The following ECT2L variants were observed in gnomAD, a reference collection of about 807,000 sequenced individuals.
ECT2L encodes epithelial cell-transforming sequence 2 oncogene-like.
A neutral mutation model predicts 122.8 loss-of-function variants in ECT2L; 126 were observed. That is an observed-to-expected ratio of 1.03 (90% CI 0.89 to 1.19). The LOEUF is 1.19. Among genes scored for constraint, ECT2L ranks in the 50% most tolerant of loss-of-function variants. The probability of loss-of-function intolerance (pLI) is 0.00; values close to 1 mark genes in which losing one functional copy is unlikely to be tolerated. For missense variants in ECT2L, 1,012 were observed against 1,064.1 expected (o/e 0.95, Z 0.68); for synonymous variants, 385 against 381.8 (o/e 1.01, Z -0.10).
rs757819997 is a variant in ECT2L at position 138,862,733 on chromosome 6, G to T, written c.1291+14G>T. 39 of 1,610,654 alleles carry T rather than the reference G, an allele frequency of 2.4e-5. No individual in the cohort carries two copies. Among genetic ancestry groups the T allele is most frequent in the Non-Finnish European group, 3.2e-5 (38 of 1,177,160 alleles). On this transcript the variant is annotated intron_variant, in intron 11 of 21. Coordinates refer to ENST00000541398, the MANE Select transcript of ECT2L (RefSeq NM_001077706.3). The stretch of plus-strand genomic sequence containing the variant: ...CTTACCAGCACAGTAAGTGTTATGG[G>T]AGCTGAGCGCCACGTCCAATAACAC...
Position 138,844,563 on chromosome 6 carries a change from A to AG in ECT2L, c.748dup (p.Glu250GlyfsTer28). ...AGAAACAGCTTGTTTTGACATCGTT[A>AG]GAAACCTTGCCCAAGCGGTAAGCAA... is the stretch of plus-strand genomic sequence containing the variant. On this transcript the variant is annotated frameshift_variant, in exon 7 of 22. Coordinates refer to ENST00000541398, the MANE Select transcript of ECT2L (RefSeq NM_001077706.3). LOFTEE classifies it high-confidence loss of function. The AG allele has an allele frequency of 6.2e-7, 1 of 1,614,150 alleles. No homozygotes were observed. Among genetic ancestry groups the AG allele is most frequent in the Non-Finnish European group, 8.5e-7 (1 of 1,180,000 alleles).
In ECT2L at chr6:138,865,158, G is replaced by C. The variant is rs900822764; in HGVS notation, c.1454G>C (p.Ser485Thr). The part of the protein sequence containing the change: ...LYPFFKELQK[S>T]ISGRMIGQFM... The stretch of plus-strand genomic sequence containing the variant: ...CCTTTCTTCAAGGAACTGCAGAAGA[G>C]CATCAGTGGCAGGATGATAGGTAAG... The change falls in exon 12 of 22, where the codon AGC (serine) becomes ACC (threonine). Residue 485 changes from serine to threonine, a missense_variant. Transcript: ENST00000541398. The C allele has an allele frequency of 6.2e-7, 1 of 1,611,326 alleles. No homozygotes were observed. Among genetic ancestry groups the C allele is most frequent in the Non-Finnish European group, 8.5e-7 (1 of 1,178,100 alleles).
intron 13 of ECT2L, among the ~76,000 whole-genome samples, chr6:138,870,693 C>T (rs1437647823): frequency 1.3e-5 from 2 of 151,712 alleles, no homozygotes; most frequent in Non-Finnish European, 2.9e-5. Flanking sequence ...GATTCAAATT[C>T]ATTAAAGAAA....
chr6:138,803,519 A>G (rs1383237568), intron 1 of ECT2L, among the ~76,000 whole-genome samples: 1 of 152,196 alleles, frequency 6.6e-6, no homozygotes. Flanking sequence ...TCACATAACA[A>G]CAGCTGGGCA....
At position 138,885,734 on chromosome 6, in the gene ECT2L, C is replaced by G; in HGVS notation, c.2163C>G (p.Tyr721Ter). The G allele has an allele frequency of 6.2e-7, 1 of 1,614,164 alleles. No individual in the cohort carries two copies. Among genetic ancestry groups the G allele is most frequent in the South Asian group, 1.1e-5 (1 of 91,082 alleles). Residue 721 changes from tyrosine (Y) to a stop codon, truncating the protein, a stop_gained, in exon 18 of 22, where the codon TAC becomes TAG. Coordinates refer to ENST00000541398, the MANE Select transcript of ECT2L (RefSeq NM_001077706.3). LOFTEE classifies it high-confidence loss of function. ...RRFEEYLNLL[Y>*]AVRLHTPAEH... ...TTGAAGAATACCTTAATCTTCTCTACGCTGTCAGGCTTCATACCCCTGCAG... is the reference window on the plus strand; with the variant it reads ...TTGAAGAATACCTTAATCTTCTCTAGGCTGTCAGGCTTCATACCCCTGCAG...
chr6:138,848,613 T>A (rs2128392675), intron 8 of ECT2L, among the ~76,000 whole-genome samples: 1 of 152,320 alleles, frequency 6.6e-6, no homozygotes, highest in South Asian at 2.1e-4. Flanking sequence ...AAGAGTCAGC[T>A]CTAATCACTG....
At chr6:138,829,213 G>A (rs1289339587) in intron 4 of ECT2L, among the ~76,000 whole-genome samples, 1 of 151,952 alleles carries the variant, frequency 6.6e-6, no homozygotes, top group Non-Finnish European at 1.5e-5. Context: ...CGCTCGTCTT[G>A]TCCTTTTCCT....
chr6:138,855,324 A>T (rs1777577008), intron 10 of ECT2L, among the ~76,000 whole-genome samples: 1 of 152,116 alleles, frequency 6.6e-6, no homozygotes, highest in African/African-American at 2.4e-5. Flanking sequence ...CCTGGCCAAC[A>T]TGGCAAAACC....
intron 14 of ECT2L, among the ~76,000 whole-genome samples, chr6:138,877,781 C>A (rs934602646): frequency 6.6e-6 from 1 of 152,000 alleles, no homozygotes; most frequent in East Asian, 1.9e-4. Flanking sequence ...AAAAAAATTA[C>A]AAAAATTAGC....
At chr6:138,810,131 GA>G (rs759211813) in intron 1 of ECT2L, among the ~76,000 whole-genome samples, 1 of 152,204 alleles carries the variant, frequency 6.6e-6, no homozygotes, top group Non-Finnish European at 1.5e-5. Context: ...AGAAGAAATA[GA>G]GGAGCTCAGA....
intron 4 of ECT2L, chr6:138,822,897 G>C (rs1776315148): frequency 3.1e-6 from 5 of 1,613,784 alleles, no homozygotes; most frequent in African/African-American, 1.3e-5. Flanking sequence ...CCTCACAATA[G>C]CTTTCGTCAT....
chr6:138,832,212 A>T (rs1776672097), intron 4 of ECT2L, among the ~76,000 whole-genome samples: 1 of 150,606 alleles, frequency 6.6e-6, no homozygotes, highest in South Asian at 2.1e-4. Context: ...TGAACATTTC[A>T]AACATTCACT....
chr6:138,830,322 G>A (rs1231770913), intron 4 of ECT2L, among the ~76,000 whole-genome samples: 2 of 152,126 alleles, frequency 1.3e-5, no homozygotes, highest in African/African-American at 2.4e-5. Flanking sequence ...AACAATCTTA[G>A]GCCTTGTGGG....
At chr6:138,805,678 G>A (rs1011763908) in intron 1 of ECT2L, among the ~76,000 whole-genome samples, 3 of 152,228 alleles carry the variant, frequency 2.0e-5, no homozygotes, top group African/African-American at 7.2e-5. Context: ...ACAGCTGGGG[G>A]CTGGCTCAAA....
At chr6:138,838,273 T>C (rs1319044548) in intron 4 of ECT2L, 79 bp from the exon 5 acceptor site, 1 of 1,242,740 alleles carries the variant, frequency 8.0e-7, no homozygotes. Flanking sequence ...TGGAGGAAGA[T>C]CAATGACCAA....
intron 4 of ECT2L, among the ~76,000 whole-genome samples, chr6:138,828,987 CT>C (rs1189242289): frequency 6.6e-6 from 1 of 151,788 alleles, no homozygotes; most frequent in Admixed American, 6.6e-5. Context: ...GGGTCTCACT[CT>C]GTCACTCAGG....
In ECT2L at chr6:138,862,685, C is replaced by T. The variant is rs774651967; in HGVS notation, c.1257C>T (p.Ala419=). The part of the protein sequence containing the change: ...LSQLTGTFFT[A]PTGIATGSYQ... ...AACTAACTGGCACGTTCTTTACGGCCCCCACTGGGATTGCAACTGGCTCTT... is the reference window on the plus strand; with the variant it reads ...AACTAACTGGCACGTTCTTTACGGCTCCCACTGGGATTGCAACTGGCTCTT... Residue 419 remains alanine, a synonymous_variant, in exon 11 of 22, where the codon GCC becomes GCT. Transcript: ENST00000541398. 18 of 1,614,032 alleles carry T rather than the reference C, an allele frequency of 1.1e-5. 1 individual carries two copies. Among genetic ancestry groups the T allele is most frequent in the South Asian group, 5.5e-5 (5 of 91,084 alleles).
At chr6:138,887,030 C>G in intron 19 of ECT2L, 108 bp downstream of exon 19, 1 of 871,536 alleles carries the variant, frequency 1.1e-6, no homozygotes, top group Non-Finnish European at 1.9e-6. Flanking sequence ...TGTGGAATGC[C>G]TGCTACGTGC....
At chr6:138,797,423 C>G (rs771435304) in intron 1 of ECT2L, among the ~76,000 whole-genome samples, 1 of 152,046 alleles carries the variant, frequency 6.6e-6, no homozygotes, top group South Asian at 2.1e-4. Context: ...ATACCTCTGC[C>G]GAGGAGCAGT....
Sources: gnomAD v4.1 joint callset for allele counts (sites outside exome capture counted in the v4.1 genomes callset) on GRCh38, gnomAD v4.1.1 for gene constraint, MANE v1.5 for transcripts, NCBI Gene and HGNC (gene_info 2026-07-23, HGNC 2026-07-21) for gene names.